Variants in CREB5 observed in about 807,000 individuals in gnomAD.
CREB5 encodes cAMP responsive element binding protein 5.
In CREB5, 19 loss-of-function variants were observed where a neutral mutation model predicts 57.1. The ratio of observed to expected loss-of-function variants is 0.33; its 90% CI spans 0.23 to 0.49. CREB5 has a LOEUF of 0.49. Ranked by LOEUF, CREB5 falls within the 20% of genes least tolerant of loss-of-function variation. CREB5 has a pLI of 0.99. For synonymous variants in CREB5, 238 were observed against 238.3 expected (o/e 1.00, Z 0.01); for missense variants, 579 against 671.6 (o/e 0.86, Z 1.52).
intron 5 of CREB5, among the ~76,000 whole-genome samples, chr7:28,686,643 G>C (rs902654344): frequency 6.6e-6 from 1 of 152,192 alleles, no homozygotes; most frequent in Non-Finnish European, 1.5e-5. Context: ...CCAATCGCTT[G>C]AATGGTGATG....
At chr7:28,559,006 G>A (rs1035744685) in intron 4 of CREB5, among the ~76,000 whole-genome samples, 8 of 152,060 alleles carry the variant, frequency 5.3e-5, no homozygotes, top group South Asian at 2.1e-4. Context: ...CATGTGCTGC[G>A]CCCCTTTCGT....
At chr7:28,690,911 G>A (rs1801215221) in intron 5 of CREB5, among the ~76,000 whole-genome samples, 1 of 152,148 alleles carries the variant, frequency 6.6e-6, no homozygotes, top group Admixed American at 6.5e-5. Flanking sequence ...TAGAAACAGA[G>A]AAGTAAAAAG....
chr7:28,524,306 G>T (rs1055110692), intron 4 of CREB5, among the ~76,000 whole-genome samples: 3 of 135,162 alleles, frequency 2.2e-5, no homozygotes, highest in Non-Finnish European at 4.7e-5. Context: ...GTGAAACCTC[G>T]CCTCTACTAA....
In CREB5 at chr7:28,478,739, C is replaced by G. The variant is rs148598033; in HGVS notation, c.4-9436C>G. Among the ~76,000 whole-genome samples, 1,165 of 152,222 alleles carry G rather than the reference C, an allele frequency of 7.7e-3. 16 individuals carry two copies. Among genetic ancestry groups the G allele is most frequent in the African/African-American group, 0.025 (1,049 of 41,526 alleles). On this transcript the variant is annotated intron_variant, in intron 1 of 10. Coordinates refer to ENST00000357727, the MANE Select transcript of CREB5 (RefSeq NM_182898.4). ...TTTTGCTACTGTTGAGTCAACACTGCTGTAGATAAAGGTTAAGTTATCTGG... is the reference window on the plus strand; with the variant it reads ...TTTTGCTACTGTTGAGTCAACACTGGTGTAGATAAAGGTTAAGTTATCTGG...
chr7:28,489,876 T>A (rs1791724281), intron 2 of CREB5, among the ~76,000 whole-genome samples: 1 of 151,986 alleles, frequency 6.6e-6, no homozygotes, highest in South Asian at 2.1e-4. Context: ...AAAAACAGAG[T>A]GATAAGTAAC....
intron 5 of CREB5, among the ~76,000 whole-genome samples, chr7:28,654,821 G>T (rs1179052971): frequency 6.6e-6 from 1 of 152,170 alleles, no homozygotes; most frequent in Non-Finnish European, 1.5e-5. Flanking sequence ...GCCAGGCATA[G>T]GAATGATAAT....
At chr7:28,672,235 A>C (rs1800089765) in intron 5 of CREB5, among the ~76,000 whole-genome samples, 2 of 151,190 alleles carry the variant, frequency 1.3e-5, no homozygotes, top group African/African-American at 4.9e-5. Context: ...CTAGGTTTTA[A>C]AAGACCTGGG....
intron 5 of CREB5, among the ~76,000 whole-genome samples, chr7:28,696,811 CATACGT>C (rs1459338471): frequency 6.6e-5 from 10 of 151,590 alleles, no homozygotes; most frequent in Non-Finnish European, 1.5e-4. Flanking sequence ...TATATATACA[CATACGT>C]ATACGTATAC....
At chr7:28,479,952 C>G (rs972406942) in intron 1 of CREB5, among the ~76,000 whole-genome samples, 1 of 151,826 alleles carries the variant, frequency 6.6e-6, no homozygotes, top group African/African-American at 2.4e-5. Context: ...GACTTCAGCC[C>G]GTACATTGGG....
intron 8 of CREB5, among the ~76,000 whole-genome samples, chr7:28,808,901 T>C (rs1292949232): frequency 6.6e-6 from 1 of 152,110 alleles, no homozygotes; most frequent in Non-Finnish European, 1.5e-5. Flanking sequence ...TCCTCTACCA[T>C]GATTCGGCCA....
At position 28,633,154 on chromosome 7, in the gene CREB5, G is replaced by A. The variant is rs548567380; in HGVS notation, c.464+62617G>A. Reference sequence around the variant, plus strand: ...GATTAGTAAACTAAGGCACAGAGAAGCAAAACAATTTGTCTAAGGTCACAC... The same window carrying A: ...GATTAGTAAACTAAGGCACAGAGAAACAAAACAATTTGTCTAAGGTCACAC... On this transcript the variant is annotated intron_variant, in intron 5 of 10. Coordinates refer to ENST00000357727, the MANE Select transcript of CREB5 (RefSeq NM_182898.4). Among the ~76,000 whole-genome samples the A allele has an allele frequency of 1.1e-3, 174 of 152,276 alleles. 2 individuals are homozygous for A. The highest frequency in any genetic ancestry group is 4.6e-3 in the South Asian group (22 of 4,816).
rs1031975240 is a variant in CREB5 at position 28,795,658 on chromosome 7, T to C, written c.703-8541T>C. ...AGTCAAGAGTTCTCTATCAGCCCGC[T>C]GTCAGAAGAAAAGACATTCTTCTTT... On this transcript the variant is annotated intron_variant, in intron 7 of 10. Transcript: ENST00000357727. Among the ~76,000 whole-genome samples the C allele has an allele frequency of 1.2e-4, 18 of 152,328 alleles. 1 individual carries two copies. Among genetic ancestry groups the C allele is most frequent in the Non-Finnish European group, 2.2e-4 (15 of 68,018 alleles).
intron 5 of CREB5, chr7:28,609,161 T>C (rs113254106): frequency 2.0e-5 from 3 of 152,292 alleles, no homozygotes; most frequent in African/African-American, 7.2e-5. Context: ...AACAATAATT[T>C]GAATTAATAT....
chr7:28,550,369 T>G (rs1335192591), intron 4 of CREB5, among the ~76,000 whole-genome samples: 1 of 152,214 alleles, frequency 6.6e-6, no homozygotes, highest in Non-Finnish European at 1.5e-5. Context: ...GACCCCTAGA[T>G]GCAGGATACC....
intron 5 of CREB5, among the ~76,000 whole-genome samples, chr7:28,715,180 G>A (rs1342420296): frequency 6.6e-6 from 1 of 152,192 alleles, no homozygotes; most frequent in Non-Finnish European, 1.5e-5. Flanking sequence ...GAAATGAACT[G>A]TGAATTTTTT....
At position 28,791,874 on chromosome 7, in the gene CREB5, C is replaced by G. The variant is rs550580109; in HGVS notation, c.703-12325C>G. Among the ~76,000 whole-genome samples the G allele has an allele frequency of 4.2e-4, 64 of 152,278 alleles. No homozygotes were observed. The South Asian group carries it at 6.6e-3, about 16-fold the overall frequency. The stretch of plus-strand genomic sequence containing the variant: ...AGATGGTTCCACACTTTCCTCCCAC[C>G]ACCCCCATTACTTGTGTTGTAGGCA... On this transcript the variant is annotated intron_variant, in intron 7 of 10. Transcript: ENST00000357727.
chr7:28,479,060 G>A (rs938609728), intron 1 of CREB5, among the ~76,000 whole-genome samples: 7 of 152,172 alleles, frequency 4.6e-5, no homozygotes, highest in East Asian at 1.9e-4. Context: ...AGGTGGGGAC[G>A]CACTTAGTCC....
intron 8 of CREB5, 35 bp downstream of exon 8, chr7:28,804,557 T>A: frequency 6.2e-7 from 1 of 1,604,084 alleles, no homozygotes; most frequent in South Asian, 1.1e-5. Flanking sequence ...CCCCTTCTTA[T>A]TCTCCTTCTT....
At chr7:28,788,469 T>C (rs903683324) in intron 7 of CREB5, among the ~76,000 whole-genome samples, 1 of 152,200 alleles carries the variant, frequency 6.6e-6, no homozygotes, top group Non-Finnish European at 1.5e-5. Context: ...TCTAACCTCA[T>C]TCTAAAATCT....
Sources: gnomAD v4.1 joint callset for allele counts (sites outside exome capture counted in the v4.1 genomes callset) on GRCh38, gnomAD v4.1.1 for gene constraint, MANE v1.5 for transcripts, NCBI Gene and HGNC (gene_info 2026-07-23, HGNC 2026-07-21) for gene names.